The following PARD3B variants were observed in gnomAD, a reference collection of about 807,000 sequenced individuals.
The protein encoded by PARD3B is partitioning defective 3 homolog B.
Under a neutral mutation model 130.2 loss-of-function variants are expected in PARD3B, and 103 were observed. The ratio of observed to expected loss-of-function variants is 0.79; its 90% CI spans 0.67 to 0.93. The LOEUF (loss-of-function observed/expected upper bound fraction) is 0.93. Ranked by LOEUF, PARD3B falls within the 40% of genes least tolerant of loss-of-function variation. PARD3B has a pLI of 0.00. For synonymous variants in PARD3B, 583 were observed against 553.2 expected (o/e 1.05, Z -0.76); for missense variants, 1,609 against 1,499.2 (o/e 1.07, Z -1.21).
At chr2:204,555,568 T>C (rs753684937) in intron 1 of PARD3B, among the ~76,000 whole-genome samples, 3 of 152,076 alleles carry the variant, frequency 2.0e-5, no homozygotes, top group Non-Finnish European at 4.4e-5. Flanking sequence ...AAAAAAAATT[T>C]ATATCCATGA....
intron 1 of PARD3B, among the ~76,000 whole-genome samples, chr2:204,637,809 C>G (rs958886113): frequency 5.3e-5 from 8 of 151,368 alleles, no homozygotes; most frequent in African/African-American, 1.9e-4. Context: ...CTTTTAGCTT[C>G]ACAACAGTAT....
At chr2:204,682,115 A>G (rs2036862541) in intron 1 of PARD3B, among the ~76,000 whole-genome samples, 1 of 152,130 alleles carries the variant, frequency 6.6e-6, no homozygotes, top group Admixed American at 6.5e-5. Flanking sequence ...AAGGCCATCC[A>G]GTCTCCAGGC....
At chr2:205,337,669 A>C (rs11690561) in intron 18 of PARD3B, among the ~76,000 whole-genome samples, 90,571 of 152,058 alleles carry the variant, frequency 0.6, 30,618 homozygotes, top group South Asian at 0.77. Flanking sequence ...AGTGTGCCCT[A>C]CTGTTACTTT....
chr2:205,459,738 T>A (rs1575076345), intron 20 of PARD3B, among the ~76,000 whole-genome samples: 1 of 152,180 alleles, frequency 6.6e-6, no homozygotes, highest in East Asian at 1.9e-4. Flanking sequence ...TTGGCCCTCC[T>A]CACCATTTCA....
At chr2:205,282,202 T>G (rs2041216415) in intron 16 of PARD3B, among the ~76,000 whole-genome samples, 2 of 152,130 alleles carry the variant, frequency 1.3e-5, no homozygotes, top group South Asian at 4.1e-4. Context: ...TGAAGAGATG[T>G]TCCCCCCTTT....
chr2:204,781,377 A>G (rs2041831243), intron 2 of PARD3B, among the ~76,000 whole-genome samples: 1 of 152,156 alleles, frequency 6.6e-6, no homozygotes, highest in Non-Finnish European at 1.5e-5. Flanking sequence ...TTCAAAATAT[A>G]TTTTAATAAA....
At chr2:205,496,172 T>G (rs2049917668) in intron 20 of PARD3B, among the ~76,000 whole-genome samples, 1 of 152,194 alleles carries the variant, frequency 6.6e-6, no homozygotes, top group South Asian at 2.1e-4. Context: ...CCTCTAAAAT[T>G]TGCTAAGTTT....
intron 3 of PARD3B, among the ~76,000 whole-genome samples, chr2:204,977,244 T>A (rs1692254992): frequency 6.6e-6 from 1 of 152,192 alleles, no homozygotes. Context: ...AAGTATTTAC[T>A]TTTATGTCCT....
chr2:205,317,891 T>A (rs550959824), intron 18 of PARD3B, among the ~76,000 whole-genome samples: 27 of 152,276 alleles, frequency 1.8e-4, no homozygotes, highest in African/African-American at 5.8e-4. Context: ...TAAGGCTTTC[T>A]TGGTATTAGA....
intron 2 of PARD3B, among the ~76,000 whole-genome samples, chr2:204,924,855 A>G (rs1283986588): frequency 6.6e-6 from 1 of 152,092 alleles, no homozygotes; most frequent in Non-Finnish European, 1.5e-5. Context: ...CTAATAAAAG[A>G]CAACTCTGCA....
At chr2:205,108,335 G>A (rs995951821) in intron 5 of PARD3B, among the ~76,000 whole-genome samples, 2 of 152,062 alleles carry the variant, frequency 1.3e-5, no homozygotes, top group Non-Finnish European at 2.9e-5. Context: ...AGAACCTGTA[G>A]TGACTTCATT....
At chr2:204,764,854 T>C (rs1362169739) in intron 2 of PARD3B, among the ~76,000 whole-genome samples, 3 of 152,030 alleles carry the variant, frequency 2.0e-5, no homozygotes, top group African/African-American at 7.2e-5. Flanking sequence ...ATTCATTCCT[T>C]CCCTCCTCCC....
At chr2:205,054,427 TATATATATA>T (rs1405505932) in intron 4 of PARD3B, among the ~76,000 whole-genome samples, 10 of 24,734 alleles carry the variant, frequency 4.0e-4, no homozygotes, top group South Asian at 3.9e-3. Context: ...TATATATATA[TATATATATA>T]TTTTTTTTTT....
At chr2:204,708,067 C>T (rs777961212) in intron 2 of PARD3B, among the ~76,000 whole-genome samples, 1 of 152,140 alleles carries the variant, frequency 6.6e-6, no homozygotes, top group Non-Finnish European at 1.5e-5. Context: ...GTCAATGTCT[C>T]AGAACTGGGA....
intron 2 of PARD3B, among the ~76,000 whole-genome samples, chr2:204,821,733 T>A (rs1334272205): frequency 6.6e-6 from 1 of 151,584 alleles, no homozygotes; most frequent in Non-Finnish European, 1.5e-5. Context: ...ATAAAAAAAA[T>A]AGAAATGGGC....
At chr2:204,720,580 T>C (rs2038947811) in intron 2 of PARD3B, among the ~76,000 whole-genome samples, 1 of 152,156 alleles carries the variant, frequency 6.6e-6, no homozygotes, top group African/African-American at 2.4e-5. Flanking sequence ...ATTGATGTCT[T>C]TTGTATCTCA....
At chr2:205,552,432 A>G (rs1293125581) in intron 21 of PARD3B, among the ~76,000 whole-genome samples, 1 of 152,150 alleles carries the variant, frequency 6.6e-6, no homozygotes, top group Non-Finnish European at 1.5e-5. Context: ...ATTTTGAGAC[A>G]AAGTCTCACT....
At chr2:205,056,332 G>T (rs1211101193) in intron 4 of PARD3B, among the ~76,000 whole-genome samples, 1 of 151,988 alleles carries the variant, frequency 6.6e-6, no homozygotes, top group African/African-American at 2.4e-5. Flanking sequence ...TCTTAGGAGA[G>T]TGGCCCCTTT....
intron 3 of PARD3B, among the ~76,000 whole-genome samples, chr2:204,968,730 C>G (rs888646786): frequency 2.6e-5 from 4 of 152,192 alleles, no homozygotes; most frequent in Non-Finnish European, 4.4e-5. Context: ...ATCTTTAAAA[C>G]AGTACAGTAG....
Sources: gnomAD v4.1 joint callset for allele counts (sites outside exome capture counted in the v4.1 genomes callset) on GRCh38, gnomAD v4.1.1 for gene constraint, MANE v1.5 for transcripts, NCBI Gene and HGNC (gene_info 2026-07-23, HGNC 2026-07-21) for gene names.